OLAH: variants seen among roughly 807,000 people sequenced by gnomAD.
OLAH encodes the protein S-acyl fatty acid synthase thioesterase, medium chain.
In OLAH, 33 loss-of-function variants were observed where a neutral mutation model predicts 27.8. The ratio of observed to expected loss-of-function variants is 1.19; its 90% confidence interval spans 0.90 to 1.59. OLAH has a LOEUF of 1.59. Ranked by LOEUF, OLAH falls within the 40% of genes most tolerant of loss-of-function variation. OLAH has a pLI of 0.00. For synonymous variants in OLAH, 120 were observed against 102.9 expected (o/e 1.17, Z -1.01); for missense variants, 359 against 310.8 (o/e 1.16, Z -1.17).
intron 6 of OLAH, among the ~76,000 whole-genome samples, chr10:15,070,834 G>A (rs1844570341): frequency 6.9e-6 from 1 of 145,604 alleles, no homozygotes; most frequent in Non-Finnish European, 1.5e-5. Flanking sequence ...TGCTCAGGCT[G>A]GAGTGCAATG....
intron 3 of OLAH, among the ~76,000 whole-genome samples, chr10:15,050,327 G>C (rs1279128279): frequency 6.6e-6 from 1 of 152,046 alleles, no homozygotes; most frequent in Non-Finnish European, 1.5e-5. Context: ...GAGTGCAGTG[G>C]TGCAATCTCG....
chr10:15,060,141 A>C (rs1454673515), intron 3 of OLAH, among the ~76,000 whole-genome samples: 1 of 151,500 alleles, frequency 6.6e-6, no homozygotes, highest in African/African-American at 2.4e-5. Context: ...CTGTGCATTT[A>C]TTTTGTCATG....
At chr10:15,042,849 CTTTTTTTTTT>C (rs67828197), upstream of OLAH, among the ~76,000 whole-genome samples, 2 of 60,604 alleles carry the variant, frequency 3.3e-5, no homozygotes, top group Admixed American at 2.4e-4. Flanking sequence ...ACCCACGTGT[CTTTTTTTTTT>C]TTTTTTTTTT....
At chr10:15,070,010 T>G (rs1451983069) in intron 6 of OLAH, among the ~76,000 whole-genome samples, 1 of 152,198 alleles carries the variant, frequency 6.6e-6, no homozygotes, top group Non-Finnish European at 1.5e-5. Flanking sequence ...GCCTGGACAT[T>G]GTGCCATCTG....
intron 1 of OLAH, among the ~76,000 whole-genome samples, chr10:15,035,172 C>A (rs1220094443): frequency 6.6e-6 from 1 of 152,088 alleles, no homozygotes; most frequent in African/African-American, 2.4e-5. Flanking sequence ...GAGAGGCATT[C>A]TAGGAGCATA....
upstream of OLAH, among the ~76,000 whole-genome samples, chr10:15,040,861 A>G (rs963669013): frequency 1.3e-5 from 2 of 152,186 alleles, no homozygotes; most frequent in African/African-American, 4.8e-5. Context: ...ACTTTGCTCC[A>G]TCTCAAAGGG....
At chr10:15,050,619 C>G (rs10737092) in intron 3 of OLAH, among the ~76,000 whole-genome samples, 92,533 of 148,934 alleles carry the variant, frequency 0.62, 29,054 homozygotes, top group East Asian at 0.75. Flanking sequence ...TTGGCTCACT[C>G]CAAGCTCCGC....
intron 6 of OLAH, among the ~76,000 whole-genome samples, chr10:15,071,094 T>A (rs1844577921): frequency 6.6e-6 from 1 of 152,000 alleles, no homozygotes; most frequent in Non-Finnish European, 1.5e-5. Context: ...AGCCATTAAT[T>A]TGTTGTCTTT....
At chr10:15,054,945 C>G (rs1306174480) in intron 3 of OLAH, among the ~76,000 whole-genome samples, 5 of 151,792 alleles carry the variant, frequency 3.3e-5, no homozygotes, top group Non-Finnish European at 4.4e-5. Flanking sequence ...TTTTTTTCTG[C>G]TTTGTGAGGT....
chr10:15,060,786 C>T (rs1844347261), intron 3 of OLAH, among the ~76,000 whole-genome samples: 1 of 152,204 alleles, frequency 6.6e-6, no homozygotes, highest in Non-Finnish European at 1.5e-5. Flanking sequence ...TGGGTCATAC[C>T]TTCCAGCTTT....
chr10:15,041,282 TTTTA>T (rs1843915401), upstream of OLAH, among the ~76,000 whole-genome samples: 1 of 135,976 alleles, frequency 7.4e-6, no homozygotes, highest in Non-Finnish European at 1.7e-5. Flanking sequence ...TTATTTTTAT[TTTTA>T]TTTTTTTTGA....
chr10:15,047,320 G>C lies in OLAH; in HGVS notation c.32G>C (p.Arg11Thr), dbSNP rs746131287. Reference sequence around the variant, plus strand: ...AGAGGAGACCAACCTAAGAGAACCAGGCAGGCCACCCCTTGTGCCACCAGG... The same window carrying C: ...AGAGGAGACCAACCTAAGAGAACCACGCAGGCCACCCCTTGTGCCACCAGG... MERGDQPKRTRNENIFNCLYK... is the reference protein window; with the variant it reads MERGDQPKRTTNENIFNCLYK... The change falls in exon 2 of 8, where the codon AGG (arginine) becomes ACG (threonine). Residue 11 changes from arginine to threonine, a missense_variant and splice_region_variant. By Grantham distance (71) the Arg-to-Thr change is moderately conservative. Transcript: ENST00000378228. The C allele has an allele frequency of 6.2e-7, 1 of 1,613,546 alleles. No homozygotes were observed. Among genetic ancestry groups the C allele is most frequent in the Non-Finnish European group, 8.5e-7 (1 of 1,179,808 alleles).
chr10:15,073,773 T>C lies in OLAH; in HGVS notation c.*544T>C, dbSNP rs1376576213. ...GACAAAATTCATGATTAGTAAATTATCCATTTTTTCCTTCAGTTAGTTTAA... is the reference window on the plus strand; with the variant it reads ...GACAAAATTCATGATTAGTAAATTACCCATTTTTTCCTTCAGTTAGTTTAA... On this transcript the variant is annotated 3_prime_UTR_variant, in exon 8 of 8. Coordinates refer to ENST00000378228, the MANE Select transcript of OLAH (RefSeq NM_001039702.3). 1 of 152,156 alleles carries C rather than the reference T, an allele frequency of 6.6e-6. No homozygotes were observed. Among genetic ancestry groups the C allele is most frequent in the Non-Finnish European group, 1.5e-5 (1 of 68,034 alleles). 9.4% of individuals were successfully genotyped at this position (152,156 alleles called of 1,614,324 possible).
At chr10:15,069,758 C>T (rs1203964860) in intron 6 of OLAH, among the ~76,000 whole-genome samples, 2 of 152,110 alleles carry the variant, frequency 1.3e-5, no homozygotes, top group East Asian at 3.9e-4. Context: ...CCTAGCTACT[C>T]GACAGGCTGA....
chr10:15,040,899 T>C (rs1843909290), upstream of OLAH, among the ~76,000 whole-genome samples: 1 of 152,186 alleles, frequency 6.6e-6, no homozygotes, highest in Admixed American at 6.5e-5. Flanking sequence ...CTTTCTCTCT[T>C]TTTAATTTTC....
In OLAH at chr10:15,049,744, G is replaced by C. The variant is rs746825688; in HGVS notation, c.142G>C (p.Asp48His). 1 of 1,605,628 alleles carries C rather than the reference G, an allele frequency of 6.2e-7. No individual in the cohort carries two copies. Among genetic ancestry groups the C allele is most frequent in the Non-Finnish European group, 8.5e-7 (1 of 1,178,034 alleles). ...CACTCATTTTGCCAAATGGGGCCAA[G>C]ATACTCATGATTTGCTGGAAGGTAT... ...GSTHFAKWGQDTHDLLEVHSL... is the reference protein window; with the variant it reads ...GSTHFAKWGQHTHDLLEVHSL... Residue 48 changes from aspartate to histidine, a missense_variant, in exon 3 of 8, where the codon GAT becomes CAT. By Grantham distance (81) the Asp-to-His change is moderately conservative. Coordinates refer to ENST00000378228, the MANE Select transcript of OLAH (RefSeq NM_001039702.3).
At chr10:15,064,148 A>G (rs1365596480) in intron 4 of OLAH, among the ~76,000 whole-genome samples, 1 of 152,242 alleles carries the variant, frequency 6.6e-6, no homozygotes, top group Non-Finnish European at 1.5e-5. Context: ...AAGGAAGAAA[A>G]GGAAATTTAA....
At chr10:15,069,194 T>C (rs1039389138) in intron 6 of OLAH, among the ~76,000 whole-genome samples, 1 of 152,198 alleles carries the variant, frequency 6.6e-6, no homozygotes, top group Non-Finnish European at 1.5e-5. Flanking sequence ...GCCTGCTCCT[T>C]CTCTCTTGCA....
chr10:15,045,360 A>G (rs1439950549), intron 1 of OLAH, among the ~76,000 whole-genome samples: 3 of 152,208 alleles, frequency 2.0e-5, no homozygotes, highest in African/African-American at 7.2e-5. Context: ...AATTGTCAAC[A>G]CCAAAAAAAT....
Sources: gnomAD v4.1 joint callset for allele counts (sites outside exome capture counted in the v4.1 genomes callset) on GRCh38, gnomAD v4.1.1 for gene constraint, MANE v1.5 for transcripts, NCBI Gene and HGNC (gene_info 2026-07-23, HGNC 2026-07-21) for gene names.